LY9: variants seen among roughly 807,000 people sequenced by gnomAD.
LY9 encodes lymphocyte antigen 9.
Under a neutral mutation model 64.6 loss-of-function variants are expected in LY9, and 59 were observed. The ratio of observed to expected loss-of-function variants is 0.91; its 90% confidence interval spans 0.74 to 1.13. The LOEUF (loss-of-function observed/expected upper bound fraction) is 1.13, where lower values mean the gene tolerates loss of function less well. Among genes scored for constraint, LY9 ranks in the 50% most tolerant of loss-of-function variants. LY9 has a pLI of 0.00. For missense variants in LY9, 789 were observed against 797.2 expected (o/e 0.99, Z 0.12); for synonymous variants, 281 against 308.5 (o/e 0.91, Z 0.93).
chr1:160,820,586 T>C (rs1221182660), intron 7 of LY9, among the ~76,000 whole-genome samples: 1 of 152,136 alleles, frequency 6.6e-6, no homozygotes, highest in Non-Finnish European at 1.5e-5. Flanking sequence ...TAGGCTGGAC[T>C]ATGAAGCTCC....
At chr1:160,824,158 C>T (rs1017778901) in intron 8 of LY9, 23 bp from the exon 9 acceptor site, 4 of 1,613,932 alleles carry the variant, frequency 2.5e-6, no homozygotes, top group Non-Finnish European at 3.4e-6. Context: ...CACTAGGGCT[C>T]ATCTGCTGTT....
chr1:160,801,797 T>C, intron 2 of LY9: 2 of 1,612,836 alleles, frequency 1.2e-6, no homozygotes, highest in Non-Finnish European at 1.7e-6. Context: ...CAGCACCATT[T>C]ATTGAAAAGT....
At chr1:160,804,901 G>T (rs542279548) in intron 2 of LY9, among the ~76,000 whole-genome samples, 1 of 151,930 alleles carries the variant, frequency 6.6e-6, no homozygotes, top group Admixed American at 6.6e-5. Flanking sequence ...AGTCTCTGAC[G>T]GTCTTTTGGA....
chr1:160,800,527 T>C (rs1666354990), intron 2 of LY9, among the ~76,000 whole-genome samples: 1 of 151,830 alleles, frequency 6.6e-6, no homozygotes, highest in Non-Finnish European at 1.5e-5. Flanking sequence ...AAAGACATGA[T>C]TTCATTCTTT....
chr1:160,817,439 G>A (rs1557811084), intron 5 of LY9, among the ~76,000 whole-genome samples: 2 of 152,190 alleles, frequency 1.3e-5, no homozygotes, highest in African/African-American at 4.8e-5. Context: ...CTTATGCATA[G>A]CTTGTGGCTA....
At chr1:160,797,259 C>T (rs1665978125) in intron 1 of LY9, 1 of 985,488 alleles carries the variant, frequency 1.0e-6, no homozygotes, top group South Asian at 4.7e-5. Context: ...TCCAGGGCTT[C>T]AGGGATGATG....
At chr1:160,817,948 C>T (rs1472213671) in intron 5 of LY9, among the ~76,000 whole-genome samples, 7 of 152,116 alleles carry the variant, frequency 4.6e-5, no homozygotes, top group South Asian at 2.1e-4. Context: ...GATCTGCACT[C>T]GAACCTCAGG....
chr1:160,824,568 T>C (rs1005100875), intron 9 of LY9: 1 of 984,806 alleles, frequency 1.0e-6, no homozygotes, highest in African/African-American at 1.7e-5. Context: ...CTAACCCTAA[T>C]CCTAATCTAC....
intron 7 of LY9, among the ~76,000 whole-genome samples, chr1:160,821,201 A>G (rs921614836): frequency 4.0e-5 from 6 of 150,046 alleles, no homozygotes; most frequent in African/African-American, 1.2e-4. Flanking sequence ...AGTTAAAAGT[A>G]GTTCTCTTTC....
chr1:160,815,726 G>T (rs577243873), intron 4 of LY9, among the ~76,000 whole-genome samples: 1 of 152,214 alleles, frequency 6.6e-6, no homozygotes, highest in Non-Finnish European at 1.5e-5. Flanking sequence ...TTTGAATAAG[G>T]CCAAAGTTGG....
chr1:160,824,349 T>G, intron 9 of LY9, 100 bp downstream of exon 9: 1 of 1,555,126 alleles, frequency 6.4e-7, no homozygotes. Flanking sequence ...TGGCTAAGGA[T>G]CTTAAATTCT....
chr1:160,818,109 C>G (rs1242065666), intron 5 of LY9, 109 bp from the exon 6 acceptor site: 3 of 713,928 alleles, frequency 4.2e-6, no homozygotes, highest in African/African-American at 1.8e-5. Flanking sequence ...CTTTCCACAA[C>G]GTCATGGATT....
intron 4 of LY9, among the ~76,000 whole-genome samples, chr1:160,816,181 C>T (rs775883908): frequency 2.6e-5 from 4 of 152,194 alleles, no homozygotes; most frequent in Non-Finnish European, 4.4e-5. Context: ...GTGTCAGGTA[C>T]AGCGCTCACC....
intron 8 of LY9, 25 bp from the exon 9 acceptor site, chr1:160,824,156 C>G (rs1401382718): frequency 6.2e-7 from 1 of 1,613,936 alleles, no homozygotes; most frequent in South Asian, 1.1e-5. Context: ...GTCACTAGGG[C>G]TCATCTGCTG....
chr1:160,821,795 T>C (rs1038506982), intron 7 of LY9, among the ~76,000 whole-genome samples: 1 of 152,286 alleles, frequency 6.6e-6, no homozygotes, highest in South Asian at 2.1e-4. Flanking sequence ...TCACTCAGTA[T>C]TGAGCGAAAG....
intron 9 of LY9, 116 bp downstream of exon 9, chr1:160,824,365 C>A: frequency 6.6e-7 from 1 of 1,511,920 alleles, no homozygotes; most frequent in South Asian, 1.4e-5. Flanking sequence ...ATTCTACCCA[C>A]TATGCACCCC....
intron 2 of LY9, among the ~76,000 whole-genome samples, chr1:160,800,725 G>A (rs6427545): frequency 0.64 from 97,128 of 151,938 alleles, 31,619 homozygotes; most frequent in Middle Eastern, 0.71. Flanking sequence ...TGTAGGCTCC[G>A]CTATCCATTA....
At chr1:160,808,463 G>A (rs1457858413) in intron 2 of LY9, among the ~76,000 whole-genome samples, 1 of 152,188 alleles carries the variant, frequency 6.6e-6, no homozygotes, top group Non-Finnish European at 1.5e-5. Flanking sequence ...CCCTGGAGCA[G>A]TTCCGCCCCA....
intron 5 of LY9, among the ~76,000 whole-genome samples, 163 bp from the exon 6 acceptor site, chr1:160,818,055 A>G (rs1027180568): frequency 1.1e-4 from 16 of 152,206 alleles, no homozygotes; most frequent in African/African-American, 3.6e-4. Flanking sequence ...TGCCTAGAGT[A>G]ATGCTTGCTC....
Sources: allele counts gnomAD v4.1 joint callset (sites outside exome capture counted in the v4.1 genomes callset), GRCh38; gene constraint gnomAD v4.1.1; transcripts MANE v1.5; gene names NCBI Gene and HGNC (gene_info 2026-07-23, HGNC 2026-07-21).